FGD4: variants seen among roughly 807,000 people sequenced by gnomAD.
The protein encoded by FGD4 is FYVE, RhoGEF and PH domain-containing protein 4.
Under a neutral mutation model 102.0 loss-of-function variants are expected in FGD4, and 42 were observed. The ratio of observed to expected loss-of-function variants is 0.41; its 90% CI spans 0.32 to 0.53. The LOEUF (loss-of-function observed/expected upper bound fraction) is 0.53, where lower values mean the gene tolerates loss of function less well. Ranked by LOEUF, FGD4 falls within the 20% of genes least tolerant of loss-of-function variation. The pLI, the probability that FGD4 is intolerant of heterozygous loss-of-function variation, is 0.21. For synonymous variants in FGD4, 380 were observed against 375.7 expected, an observed-to-expected ratio of 1.01 and a Z score of -0.13; for missense variants, 902 against 1,078.2, an observed-to-expected ratio of 0.84 and a Z score of 2.29.
At chr12:32,614,391 AG>A (rs1471282784) in intron 10 of FGD4, among the ~76,000 whole-genome samples, 1 of 152,242 alleles carries the variant, frequency 6.6e-6, no homozygotes, top group African/African-American at 2.4e-5. Context: ...GTCCAGTCAA[AG>A]CAAAAGAGGT....
intron 1 of FGD4, among the ~76,000 whole-genome samples, chr12:32,489,239 A>G (rs1944012843): frequency 6.6e-6 from 1 of 152,186 alleles, no homozygotes; most frequent in Admixed American, 6.5e-5. Flanking sequence ...ACTCCTGTCC[A>G]GGAGTTTATA....
rs184702192 is a variant in FGD4 at position 32,524,212 on chromosome 12, C to T, written c.167-39925C>T. 2.7e-3 allele frequency among the ~76,000 whole-genome samples: 412 copies of T among 151,252 alleles called. 1 individual carries two copies. The highest frequency in any genetic ancestry group is 4.6e-3 in the Non-Finnish European group (312 of 67,824). On this transcript the variant is annotated intron_variant, in intron 1 of 16. Coordinates refer to ENST00000534526, the MANE Select transcript of FGD4 (RefSeq NM_001370298.3). The stretch of plus-strand genomic sequence containing the variant: ...GAGATCGAGACCATCCTGGCTAACA[C>T]GGTGAAACCCCGTCTCTACTAAAAA...
intron 1 of FGD4, among the ~76,000 whole-genome samples, chr12:32,438,997 A>C (rs1052887953): frequency 2.0e-5 from 3 of 152,206 alleles, no homozygotes; most frequent in African/African-American, 7.2e-5. Context: ...TAATTAACAT[A>C]TGTATTACCT....
intron 4 of FGD4, among the ~76,000 whole-genome samples, chr12:32,588,088 G>T (rs1053537245): frequency 2.6e-5 from 4 of 152,216 alleles, no homozygotes; most frequent in African/African-American, 7.2e-5. Context: ...CACAGGGATG[G>T]AGGGGAATGG....
At chr12:32,562,290 A>T (rs560446402) in intron 1 of FGD4, among the ~76,000 whole-genome samples, 2 of 152,362 alleles carry the variant, frequency 1.3e-5, no homozygotes, top group East Asian at 3.9e-4. Context: ...CCTAAAGCAC[A>T]TGGAATGAGA....
At chr12:32,610,891 G>C in intron 9 of FGD4, 57 bp downstream of exon 9, 1 of 1,533,448 alleles carries the variant, frequency 6.5e-7, no homozygotes, top group African/African-American at 1.4e-5. Context: ...CAATAATACT[G>C]CCTCAATACT....
intron 12 of FGD4, 91 bp downstream of exon 12, chr12:32,624,543 G>A (rs1327938225): frequency 1.9e-6 from 2 of 1,069,074 alleles, no homozygotes; most frequent in African/African-American, 3.1e-5. Context: ...GTGTGATCAT[G>A]TCTCACTGCA....
At chr12:32,416,400 T>A (rs906851888) in intron 1 of FGD4, among the ~76,000 whole-genome samples, 1 of 152,204 alleles carries the variant, frequency 6.6e-6, no homozygotes. Flanking sequence ...TTCTGGTTGT[T>A]TTTTGGTCTT....
At chr12:32,456,719 A>G (rs1314613288) in intron 1 of FGD4, among the ~76,000 whole-genome samples, 2 of 152,186 alleles carry the variant, frequency 1.3e-5, no homozygotes, top group East Asian at 3.8e-4. Context: ...GTCAAAAGCT[A>G]TACTGAAAGA....
In FGD4 at chr12:32,526,331, G is replaced by A. The variant is rs552477767; in HGVS notation, c.167-37806G>A. 7.7e-4 allele frequency among the ~76,000 whole-genome samples: 117 copies of A among 152,294 alleles called. 1 individual carries two copies. The highest frequency in any genetic ancestry group is 2.6e-3 in the African/African-American group (107 of 41,554). On this transcript the variant is annotated intron_variant, in intron 1 of 16. Transcript: ENST00000534526. ...TACACCAATCGGCACTCTGTATCTAGCTCAAGGTTTGTAAACACACCAATC... is the reference window on the plus strand; with the variant it reads ...TACACCAATCGGCACTCTGTATCTAACTCAAGGTTTGTAAACACACCAATC...
rs540089601 is a variant in FGD4 at position 32,607,619 on chromosome 12, C to T, written c.1405-338C>T. On this transcript the variant is annotated intron_variant, in intron 7 of 16. Transcript: ENST00000534526. ...CCGCCTCCCAGGTTCAAGCAATTCT[C>T]CTGCCTCAGGCTCAGCCTCCGCATA... Among the ~76,000 whole-genome samples, 12 of 152,304 alleles carry T rather than the reference C, an allele frequency of 7.9e-5. No individual in the cohort carries two copies. In the South Asian group the frequency reaches 2.3e-3, roughly 29 times the overall value.
intron 4 of FGD4, among the ~76,000 whole-genome samples, chr12:32,596,247 A>C (rs747749830): frequency 3.3e-5 from 5 of 152,246 alleles, no homozygotes; most frequent in Non-Finnish European, 7.3e-5. Context: ...GAATAGTTGA[A>C]GAAGGCCCCA....
intron 1 of FGD4, among the ~76,000 whole-genome samples, chr12:32,513,982 G>C (rs3850983): frequency 0.051 from 7,744 of 152,220 alleles, 275 homozygotes; most frequent in South Asian, 0.1. Flanking sequence ...TTATGAAAAA[G>C]TAAAGTGTAA....
chr12:32,408,353 A>G (rs541924367), intron 1 of FGD4, among the ~76,000 whole-genome samples: 4 of 152,170 alleles, frequency 2.6e-5, no homozygotes, highest in Non-Finnish European at 2.9e-5. Flanking sequence ...TTTTTAGTAG[A>G]GACGGGGTTT....
At chr12:32,525,592 T>C (rs947394151) in intron 1 of FGD4, among the ~76,000 whole-genome samples, 50 of 152,316 alleles carry the variant, frequency 3.3e-4, no homozygotes, top group Admixed American at 4.6e-4. Context: ...ATCCCTTCAG[T>C]CCCCCACTGC....
At chr12:32,604,309 C>G (rs1012039959) in intron 7 of FGD4, among the ~76,000 whole-genome samples, 1 of 151,836 alleles carries the variant, frequency 6.6e-6, no homozygotes, top group African/African-American at 2.4e-5. Flanking sequence ...TTTTCACTTT[C>G]TCTTTTTTAA....
At chr12:32,580,881 C>A (rs1592290034) in intron 3 of FGD4, among the ~76,000 whole-genome samples, 1 of 143,792 alleles carries the variant, frequency 7.0e-6, no homozygotes. Flanking sequence ...AGTGAGACTC[C>A]GTCTCAAAAA....
intron 1 of FGD4, among the ~76,000 whole-genome samples, chr12:32,489,286 T>A (rs888248008): frequency 6.6e-6 from 1 of 152,228 alleles, no homozygotes; most frequent in Non-Finnish European, 1.5e-5. Context: ...TTGTTTAATC[T>A]TTCCAACTCA....
At chr12:32,627,663 C>T (rs1013924737) in intron 14 of FGD4, among the ~76,000 whole-genome samples, 1 of 152,100 alleles carries the variant, frequency 6.6e-6, no homozygotes, top group Non-Finnish European at 1.5e-5. Context: ...TAAAGGGACA[C>T]TCGTCAGCTT....
Sources: gnomAD v4.1 joint callset for allele counts (sites outside exome capture counted in the v4.1 genomes callset) on GRCh38, gnomAD v4.1.1 for gene constraint, MANE v1.5 for transcripts, NCBI Gene and HGNC (gene_info 2026-07-23, HGNC 2026-07-21) for gene names.